The following RGS5 variants were observed in gnomAD, a reference collection of about 807,000 sequenced individuals.
The protein encoded by RGS5 is regulator of G protein signaling 5.
RGS5 carries 20 observed loss-of-function variants against 18.9 expected under a neutral mutation model. The ratio of observed to expected loss-of-function variants is 1.06; its 90% confidence interval spans 0.74 to 1.54. RGS5 has a LOEUF of 1.54. Among genes scored for constraint, RGS5 ranks in the 40% most tolerant of loss-of-function variants. The pLI is 0.00. For missense variants in RGS5, 201 were observed against 211.8 expected (o/e 0.95, Z 0.32); for synonymous variants, 57 against 76.2 (o/e 0.75, Z 1.31).
chr1:163,195,042 G>T (rs955906097), intron 1 of RGS5, among the ~76,000 whole-genome samples: 8 of 152,080 alleles, frequency 5.3e-5, no homozygotes, highest in African/African-American at 1.9e-4. Context: ...ATTCCTTAAA[G>T]AACTAAAAGT....
intron 1 of RGS5, among the ~76,000 whole-genome samples, chr1:163,199,986 A>G (rs1487789914): frequency 1.3e-5 from 2 of 152,072 alleles, no homozygotes; most frequent in Non-Finnish European, 2.9e-5. Flanking sequence ...TCAAACTTTT[A>G]TAGAAAAATA....
chr1:163,189,412 C>T (rs1406190869), intron 1 of RGS5, among the ~76,000 whole-genome samples: 1 of 151,944 alleles, frequency 6.6e-6, no homozygotes, highest in Non-Finnish European at 1.5e-5. Flanking sequence ...TTCAATGGAG[C>T]AAAATAAACA....
intron 2 of RGS5, among the ~76,000 whole-genome samples, chr1:163,285,217 A>G (rs1649112284): frequency 1.3e-5 from 2 of 152,268 alleles, no homozygotes; most frequent in East Asian, 1.9e-4. Flanking sequence ...ATTATTCTGT[A>G]TTAACTTTTC....
At chr1:163,311,353 G>T (rs907486243) in intron 1 of RGS5, among the ~76,000 whole-genome samples, 1 of 152,150 alleles carries the variant, frequency 6.6e-6, no homozygotes, top group African/African-American at 2.4e-5. Flanking sequence ...TATCATTTGT[G>T]TGTTCACTGG....
chr1:163,190,037 C>T (rs1016740765), intron 1 of RGS5, among the ~76,000 whole-genome samples: 5 of 152,166 alleles, frequency 3.3e-5, no homozygotes, highest in African/African-American at 1.2e-4. Flanking sequence ...TGGGGATCAA[C>T]ATTGTCTCTG....
At position 163,202,776 on chromosome 1, in the gene RGS5, A is replaced by G. The variant is rs370661486; in HGVS notation, c.44+16T>C. On this transcript the variant is annotated intron_variant, in intron 1 of 4. Transcript: ENST00000313961. ...CCATATCTGCATCTCTTAAACAAAA[A>G]TAACTTGGTTCTCACCTTTCCAGGC... 3.3e-5 allele frequency: 54 copies of G among 1,612,844 alleles called. No individual in the cohort carries two copies. In the East Asian group the frequency reaches 6.5e-4, roughly 19 times the overall value.
At chr1:163,278,440 T>C (rs1008012208) in intron 2 of RGS5, among the ~76,000 whole-genome samples, 1 of 152,108 alleles carries the variant, frequency 6.6e-6, no homozygotes, top group Non-Finnish European at 1.5e-5. Context: ...AGAACATTCA[T>C]CATTAGACTG....
At chr1:163,292,050 T>G (rs575574988) in intron 2 of RGS5, among the ~76,000 whole-genome samples, 2 of 152,312 alleles carry the variant, frequency 1.3e-5, no homozygotes, top group Admixed American at 6.5e-5. Context: ...ATATGAAGGA[T>G]GTGCAGCCTT....
intron 2 of RGS5, among the ~76,000 whole-genome samples, chr1:163,294,045 T>C (rs1206828290): frequency 6.6e-6 from 1 of 152,168 alleles, no homozygotes; most frequent in African/African-American, 2.4e-5. Context: ...TGGGCTGGCA[T>C]TGAGTGCCTG....
intron 2 of RGS5, among the ~76,000 whole-genome samples, chr1:163,274,084 G>A (rs1648790051): frequency 6.6e-6 from 1 of 152,160 alleles, no homozygotes; most frequent in South Asian, 2.1e-4. Context: ...CTTGGCCCCT[G>A]GTTCCTGACA....
intron 1 of RGS5, among the ~76,000 whole-genome samples, chr1:163,187,544 T>A (rs1363525425): frequency 6.6e-6 from 1 of 152,110 alleles, no homozygotes; most frequent in Non-Finnish European, 1.5e-5. Flanking sequence ...GACACTCCCC[T>A]GACAGGTCCC....
intron 2 of RGS5, among the ~76,000 whole-genome samples, chr1:163,270,531 A>T (rs962645891): frequency 1.3e-5 from 2 of 152,020 alleles, no homozygotes; most frequent in African/African-American, 4.8e-5. Context: ...AAAGGAAAAA[A>T]TAAAAATAAA....
At chr1:163,272,740 G>T (rs984992477) in intron 2 of RGS5, among the ~76,000 whole-genome samples, 2 of 151,812 alleles carry the variant, frequency 1.3e-5, no homozygotes, top group Non-Finnish European at 2.9e-5. Context: ...TTTATTTCTG[G>T]GCTCTCACTT....
intron 2 of RGS5, among the ~76,000 whole-genome samples, chr1:163,292,804 G>A (rs1479714735): frequency 6.6e-6 from 1 of 152,188 alleles, no homozygotes; most frequent in Non-Finnish European, 1.5e-5. Flanking sequence ...TTTGTTGGCT[G>A]CATGTATGTC....
intron 2 of RGS5, among the ~76,000 whole-genome samples, chr1:163,286,819 T>A (rs34702488): frequency 0.15 from 22,109 of 151,856 alleles, 1,896 homozygotes; most frequent in Non-Finnish European, 0.19. Flanking sequence ...GAAAAAAAAA[T>A]TTTAAGTTTT....
chr1:163,192,039 T>A (rs1169510104), intron 1 of RGS5, among the ~76,000 whole-genome samples: 1 of 152,218 alleles, frequency 6.6e-6, no homozygotes, highest in East Asian at 1.9e-4. Context: ...CCCCTTCCCA[T>A]ATACCTTGCT....
intron 2 of RGS5, among the ~76,000 whole-genome samples, chr1:163,225,858 T>C (rs568143671): frequency 4.7e-4 from 72 of 152,296 alleles, no homozygotes; most frequent in Middle Eastern, 3.4e-3. Context: ...CAAAGGACTA[T>C]TTCCTGAGAC....
At chr1:163,189,453 T>G (rs1659252660) in intron 1 of RGS5, among the ~76,000 whole-genome samples, 1 of 152,164 alleles carries the variant, frequency 6.6e-6, no homozygotes, top group Admixed American at 6.5e-5. Context: ...ATGGTACTCA[T>G]GCAAGCACGA....
chr1:163,227,852 T>C (rs997367589), intron 2 of RGS5, among the ~76,000 whole-genome samples: 1 of 152,196 alleles, frequency 6.6e-6, no homozygotes, highest in Non-Finnish European at 1.5e-5. Context: ...ACAATCCCCA[T>C]GTAAGTCCGA....
Sources: allele counts gnomAD v4.1 joint callset (sites outside exome capture counted in the v4.1 genomes callset), GRCh38; gene constraint gnomAD v4.1.1; transcripts MANE v1.5; gene names NCBI Gene and HGNC (gene_info 2026-07-23, HGNC 2026-07-21).